Variants in SOAT2 observed in about 807,000 individuals in gnomAD.
SOAT2 encodes the protein ACAT-2.
Under a neutral mutation model 76.0 loss-of-function variants are expected in SOAT2, and 87 were observed. That is an observed-to-expected ratio of 1.14 (90% CI 0.96 to 1.37). The LOEUF is 1.37. Among genes scored for constraint, SOAT2 ranks in the 40% most tolerant of loss-of-function variants. The probability of loss-of-function intolerance (pLI) is 0.00; values close to 1 mark genes in which losing one functional copy is unlikely to be tolerated. For missense variants in SOAT2, 686 were observed against 682.1 expected (o/e 1.01, Z -0.06); for synonymous variants, 285 against 275.4 (o/e 1.03, Z -0.34).
At chr12:53,112,169 C>T (rs1315484245) in intron 5 of SOAT2, among the ~76,000 whole-genome samples, 1 of 152,082 alleles carries the variant, frequency 6.6e-6, no homozygotes, top group Non-Finnish European at 1.5e-5. Flanking sequence ...TCTTAAAAAC[C>T]CCAGAGTAGC....
chr12:53,108,310 C>T (rs1937965468), intron 5 of SOAT2, among the ~76,000 whole-genome samples: 1 of 152,162 alleles, frequency 6.6e-6, no homozygotes, highest in Non-Finnish European at 1.5e-5. Context: ...TTTTCAAGGG[C>T]TTTATTGGCT....
At chr12:53,118,608 G>A (rs926611414) in intron 8 of SOAT2, among the ~76,000 whole-genome samples, 174 bp downstream of exon 8, 15 of 152,150 alleles carry the variant, frequency 9.9e-5, no homozygotes, top group East Asian at 7.7e-4. Flanking sequence ...CTCCTTGCCC[G>A]GCCTATGATG....
At chr12:53,122,359 G>A (rs1354777997) in intron 12 of SOAT2, among the ~76,000 whole-genome samples, 6 of 132,168 alleles carry the variant, frequency 4.5e-5, no homozygotes, top group Non-Finnish European at 9.6e-5. Flanking sequence ...TTTTTTTATT[G>A]ATCATTCTTG....
chr12:53,115,675 A>C (rs1428327273), intron 6 of SOAT2, 21 bp downstream of exon 6: 2 of 1,493,364 alleles, frequency 1.3e-6, no homozygotes, highest in East Asian at 2.3e-5. Context: ...AGCCCTGCTG[A>C]CGGACAGGAA....
intron 3 of SOAT2, 95 bp downstream of exon 3, chr12:53,105,338 G>A (rs1241577109): frequency 1.5e-5 from 22 of 1,447,210 alleles, no homozygotes; most frequent in East Asian, 7.4e-5. Context: ...TATCAGGACC[G>A]TGACTCCAGC....
intron 13 of SOAT2, 69 bp downstream of exon 13, chr12:53,123,285 C>T (rs1938222845): frequency 8.8e-6 from 14 of 1,590,118 alleles, no homozygotes; most frequent in South Asian, 2.2e-5. Flanking sequence ...TCCTGCAGAT[C>T]CCAGACTGAT....
chr12:53,107,249 T>C (rs925733541), intron 5 of SOAT2, among the ~76,000 whole-genome samples: 1 of 152,126 alleles, frequency 6.6e-6, no homozygotes, highest in Non-Finnish European at 1.5e-5. Context: ...GGGTCGTCGT[T>C]ATGGGGCACC....
intron 4 of SOAT2, 90 bp from the exon 5 acceptor site, chr12:53,105,817 G>T (rs1481265475): frequency 4.4e-6 from 5 of 1,135,044 alleles, no homozygotes; most frequent in Non-Finnish European, 6.6e-6. Context: ...TGGATCGCTA[G>T]GCCCCATGCC....
At chr12:53,107,492 A>T (rs1415148796) in intron 5 of SOAT2, among the ~76,000 whole-genome samples, 1 of 152,310 alleles carries the variant, frequency 6.6e-6, no homozygotes, top group Non-Finnish European at 1.5e-5. Context: ...AAAATGGAAA[A>T]GAAAGAGGAA....
chr12:53,118,409 C>G lies in SOAT2; in HGVS notation c.838C>G (p.Leu280Val). 6.2e-6 allele frequency: 10 copies of G among 1,613,650 alleles called. No homozygotes were observed. Among genetic ancestry groups the G allele is most frequent in the Non-Finnish European group, 8.5e-6 (10 of 1,179,716 alleles). Residue 280 changes from leucine (L) to valine (V), a missense_variant, in exon 8 of 15, where the codon CTC (leucine) becomes GTC (valine). Physicochemically the swap from Leu to Val is conservative, Grantham distance 32 (BLOSUM62 1). Coordinates refer to ENST00000301466, the MANE Select transcript of SOAT2 (RefSeq NM_003578.4). ...SYLYFLFCPT[L>V]IYRETYPRTP... ...CCTCTACTTCCTCTTCTGCCCAACACTCATCTACAGGGAGACTTACCCTAG... is the reference window on the plus strand; with the variant it reads ...CCTCTACTTCCTCTTCTGCCCAACAGTCATCTACAGGGAGACTTACCCTAG...
chr12:53,122,748 C>T (rs549037612), intron 12 of SOAT2, among the ~76,000 whole-genome samples: 5 of 152,074 alleles, frequency 3.3e-5, no homozygotes, highest in Admixed American at 6.5e-5. Flanking sequence ...ACACAGACAC[C>T]GCAACCATCC....
In SOAT2 at chr12:53,120,826, T is replaced by C; in HGVS notation, c.1080T>C (p.His360=). The part of the protein sequence containing the change: ...MLLLIFFAFL[H]CWLNAFAEML... ...TGCTCATCTTCTTTGCCTTCCTCCATTGCTGGCTCAACGCCTTTGCCGAGA... is the reference window on the plus strand; with the variant it reads ...TGCTCATCTTCTTTGCCTTCCTCCACTGCTGGCTCAACGCCTTTGCCGAGA... Residue 360 remains histidine, a synonymous_variant, in exon 11 of 15, where the codon CAT becomes CAC. Coordinates refer to ENST00000301466, the MANE Select transcript of SOAT2 (RefSeq NM_003578.4). 1 of 1,613,954 alleles carries C rather than the reference T, an allele frequency of 6.2e-7. No homozygotes were observed. The highest frequency in any genetic ancestry group is 8.5e-7 in the Non-Finnish European group (1 of 1,179,924).
At chr12:53,120,951 T>C (rs1938181466) in intron 11 of SOAT2, 68 bp downstream of exon 11, 11 of 1,218,782 alleles carry the variant, frequency 9.0e-6, no homozygotes, top group East Asian at 2.3e-5. Flanking sequence ...CTGGGGAAGA[T>C]GGTAGCCAGG....
chr12:53,108,240 T>G (rs1038551562), intron 5 of SOAT2, among the ~76,000 whole-genome samples: 1 of 152,190 alleles, frequency 6.6e-6, no homozygotes, highest in African/African-American at 2.4e-5. Flanking sequence ...AATGACATTC[T>G]TTACCTACCA....
intron 3 of SOAT2, 105 bp from the exon 4 acceptor site, chr12:53,105,456 A>C (rs1592274697): frequency 7.8e-7 from 1 of 1,288,528 alleles, no homozygotes; most frequent in Non-Finnish European, 1.1e-6. Flanking sequence ...CCTAGCCCTG[A>C]CCTTTCCCTA....
intron 7 of SOAT2, 96 bp from the exon 8 acceptor site, chr12:53,118,254 C>A (rs1938134991): frequency 6.1e-5 from 18 of 294,708 alleles, no homozygotes; most frequent in East Asian, 1.9e-4. Flanking sequence ...CTATCCATTT[C>A]TCCACTCACC....
At chr12:53,107,251 T>C (rs934392012) in intron 5 of SOAT2, among the ~76,000 whole-genome samples, 5 of 152,304 alleles carry the variant, frequency 3.3e-5, no homozygotes, top group Non-Finnish European at 7.4e-5. Context: ...GTCGTCGTTA[T>C]GGGGCACCAA....
chr12:53,104,290 T>C, intron 2 of SOAT2, 84 bp downstream of exon 2: 3 of 135,600 alleles, frequency 2.2e-5, no homozygotes, highest in East Asian at 5.2e-4. Context: ...TAAAGATGAC[T>C]TTTTTTTTTT....
At chr12:53,120,954 T>A (rs1403109236) in intron 11 of SOAT2, 71 bp downstream of exon 11, 6 of 1,177,872 alleles carry the variant, frequency 5.1e-6, no homozygotes, top group Non-Finnish European at 6.4e-6. Flanking sequence ...GGGAAGATGG[T>A]AGCCAGGTTG....
Sources: gnomAD v4.1 joint callset for allele counts (sites outside exome capture counted in the v4.1 genomes callset) on GRCh38, gnomAD v4.1.1 for gene constraint, MANE v1.5 for transcripts, NCBI Gene and HGNC (gene_info 2026-07-23, HGNC 2026-07-21) for gene names.